The following ASB3 variants were observed in gnomAD, a reference collection of about 807,000 sequenced individuals.
ASB3 encodes the protein ankyrin repeat and SOCS box containing 3, also known as ankyrin repeat and SOCS box protein 3.
A neutral mutation model predicts 54.5 loss-of-function variants in ASB3; 41 were observed. The observed-to-expected ratio is 0.75, with a 90% CI of 0.59 to 0.98. The LOEUF is 0.98. Among genes scored for constraint, ASB3 ranks in the 50% least tolerant of loss-of-function variants. The pLI, the probability that ASB3 is intolerant of heterozygous loss-of-function variation, is 0.00. For synonymous variants in ASB3, 266 were observed against 221.2 expected, an observed-to-expected ratio of 1.20 and a Z score of -1.80; for missense variants, 733 against 620.0, an observed-to-expected ratio of 1.18 and a Z score of -1.94.
chr2:53,670,239 A>C lies in ASB3; in HGVS notation c.*264T>G, dbSNP rs967159608. On this transcript the variant is annotated 3_prime_UTR_variant, in exon 10 of 10. Coordinates refer to ENST00000263634, the MANE Select transcript of ASB3 (RefSeq NM_016115.5). ...TGATCAGGTAAATAAATATTACAAC[A>C]TATAATGTACTGGTGATGAAGCTGC... The C allele has an allele frequency of 6.8e-6, 2 of 294,620 alleles. No homozygotes were observed. The highest frequency in any genetic ancestry group is 1.2e-5 in the Non-Finnish European group (2 of 162,164). 18.3% of individuals were successfully genotyped at this position (294,620 alleles called of 1,614,324 possible).
intron 5 of ASB3, among the ~76,000 whole-genome samples, chr2:53,718,694 T>C (rs1342649515): frequency 6.6e-6 from 1 of 151,786 alleles, no homozygotes; most frequent in Non-Finnish European, 1.5e-5. Context: ...AAGGGTCTCT[T>C]CAGATCATAC....
At chr2:53,682,586 C>A (rs892549293) in intron 9 of ASB3, among the ~76,000 whole-genome samples, 1 of 152,104 alleles carries the variant, frequency 6.6e-6, no homozygotes, top group African/African-American at 2.4e-5. Context: ...AAGTGATTCT[C>A]CTGCCTCAAC....
chr2:53,693,667 A>G (rs900502040), intron 9 of ASB3, among the ~76,000 whole-genome samples: 3 of 152,128 alleles, frequency 2.0e-5, no homozygotes, highest in Admixed American at 6.6e-5. Context: ...TTTTCTTTAT[A>G]TGTTCCTTAG....
At chr2:53,776,531 A>C (rs1343267585) in intron 1 of ASB3, among the ~76,000 whole-genome samples, 1 of 152,102 alleles carries the variant, frequency 6.6e-6, no homozygotes, top group Non-Finnish European at 1.5e-5. Context: ...GAATTTGGCC[A>C]GTGTAGTGGC....
At chr2:53,745,051 C>T (rs1219112855) in intron 3 of ASB3, among the ~76,000 whole-genome samples, 2 of 152,212 alleles carry the variant, frequency 1.3e-5, no homozygotes, top group Non-Finnish European at 2.9e-5. Context: ...GGATTTGAGC[C>T]TCCAATTTAG....
chr2:53,766,539 G>A (rs541409703), intron 1 of ASB3, among the ~76,000 whole-genome samples: 1 of 152,224 alleles, frequency 6.6e-6, no homozygotes, highest in Admixed American at 6.5e-5. Context: ...GACACATGTA[G>A]AGTATGTGGC....
intron 1 of ASB3, among the ~76,000 whole-genome samples, chr2:53,771,361 A>T (rs1673893132): frequency 6.6e-6 from 1 of 152,072 alleles, no homozygotes; most frequent in South Asian, 2.1e-4. Context: ...AAAAATACAA[A>T]AATTAGCTGG....
At chr2:53,736,906 C>A (rs1243447896) in intron 3 of ASB3, among the ~76,000 whole-genome samples, 4 of 152,028 alleles carry the variant, frequency 2.6e-5, no homozygotes, top group African/African-American at 9.7e-5. Flanking sequence ...ATCACTTCAA[C>A]CCAGGAAGCG....
intron 3 of ASB3, among the ~76,000 whole-genome samples, chr2:53,745,556 G>C (rs3770393): frequency 6.6e-6 from 1 of 151,974 alleles, no homozygotes; most frequent in Non-Finnish European, 1.5e-5. Context: ...TTTATGTTCA[G>C]TCATAATCAG....
chr2:53,707,308 G>A (rs543470950), intron 7 of ASB3, among the ~76,000 whole-genome samples: 1 of 152,300 alleles, frequency 6.6e-6, no homozygotes, highest in South Asian at 2.1e-4. Flanking sequence ...TGTGGTCTGT[G>A]GATCAGCAGC....
chr2:53,763,362 A>C (rs1572990903), intron 2 of ASB3: 1 of 166,156 alleles, frequency 6.0e-6, no homozygotes, highest in East Asian at 1.9e-4. Context: ...CTGTCTCAGA[A>C]AAAAAGGAAA....
intron 3 of ASB3, among the ~76,000 whole-genome samples, chr2:53,735,864 A>G (rs1246265248): frequency 3.3e-5 from 5 of 152,164 alleles, no homozygotes; most frequent in Non-Finnish European, 7.4e-5. Flanking sequence ...CTTTTATGAC[A>G]AAGGTGACAA....
intron 9 of ASB3, among the ~76,000 whole-genome samples, chr2:53,681,714 CTA>C (rs1483238622): frequency 2.0e-5 from 3 of 152,066 alleles, no homozygotes; most frequent in African/African-American, 7.2e-5. Context: ...TTTCATTGGT[CTA>C]TGTGTCTGTG....
chr2:53,713,941 C>A (rs1395976131), intron 7 of ASB3, among the ~76,000 whole-genome samples: 1 of 151,968 alleles, frequency 6.6e-6, no homozygotes, highest in African/African-American at 2.4e-5. Flanking sequence ...TTAATGCTAT[C>A]CACCAAATAC....
At chr2:53,732,254 C>A (rs1422166895) in intron 3 of ASB3, among the ~76,000 whole-genome samples, 1 of 152,130 alleles carries the variant, frequency 6.6e-6, no homozygotes, top group East Asian at 1.9e-4. Context: ...AGCCACTGCA[C>A]CTGGCCCCAC....
At position 53,765,319 on chromosome 2, in the gene ASB3, T is replaced by C. The variant is rs945004535; in HGVS notation, c.196+58A>G. On this transcript the variant is annotated intron_variant, in intron 2 of 9. Coordinates refer to ENST00000263634, the MANE Select transcript of ASB3 (RefSeq NM_016115.5). ...GTTAATAAGTTATGTATTATACTTT[T>C]TTATGTTTTATTAATCCAGCTTGTA... 3.9e-5 allele frequency: 62 copies of C among 1,605,426 alleles called. No homozygotes were observed. In the African/African-American group the frequency reaches 8.0e-4, roughly 21 times the overall value.
chr2:53,703,552 T>C (rs889942441), intron 7 of ASB3, among the ~76,000 whole-genome samples: 2 of 152,192 alleles, frequency 1.3e-5, no homozygotes, highest in Admixed American at 6.5e-5. Flanking sequence ...TGAGCAATGA[T>C]TGCACTACTG....
intron 9 of ASB3, among the ~76,000 whole-genome samples, chr2:53,671,952 T>C (rs1029869259): frequency 1.3e-5 from 2 of 152,174 alleles, no homozygotes; most frequent in South Asian, 4.1e-4. Context: ...AGACAAGTAC[T>C]ATCAAGAGCA....
At chr2:53,680,283 C>G (rs1241073558) in intron 9 of ASB3, among the ~76,000 whole-genome samples, 1 of 152,144 alleles carries the variant, frequency 6.6e-6, no homozygotes, top group Non-Finnish European at 1.5e-5. Context: ...CTGGATCGAA[C>G]AGTATGTCTG....
Sources: gnomAD v4.1 joint callset for allele counts (sites outside exome capture counted in the v4.1 genomes callset) on GRCh38, gnomAD v4.1.1 for gene constraint, MANE v1.5 for transcripts, NCBI Gene and HGNC (gene_info 2026-07-23, HGNC 2026-07-21) for gene names.